Variants in ACYP2 observed in about 807,000 individuals in gnomAD.
The protein encoded by ACYP2 is acylphosphatase 2.
Under a neutral mutation model 11.2 loss-of-function variants are expected in ACYP2, and 12 were observed. That is an observed-to-expected ratio of 1.08 (90% confidence interval 0.69 to 1.74). ACYP2 has a LOEUF of 1.74. Among genes scored for constraint, ACYP2 ranks in the 40% most tolerant of loss-of-function variants. The pLI is 0.00. For synonymous variants in ACYP2, 43 were observed against 32.2 expected (o/e 1.33, Z -1.13); for missense variants, 134 against 101.9 (o/e 1.31, Z -1.35).
At chr2:54,199,228 G>C (rs1210548741) in intron 6 of ACYP2, among the ~76,000 whole-genome samples, 3 of 152,148 alleles carry the variant, frequency 2.0e-5, no homozygotes, top group African/African-American at 7.2e-5. Flanking sequence ...GGCTCACTAA[G>C]CTCCCATGCA....
chr2:54,261,834 A>G (rs1433232392), intron 6 of ACYP2, among the ~76,000 whole-genome samples: 1 of 152,210 alleles, frequency 6.6e-6, no homozygotes, highest in Non-Finnish European at 1.5e-5. Context: ...ACACTTTGCT[A>G]ATTTCTTCTG....
intron 6 of ACYP2, among the ~76,000 whole-genome samples, chr2:54,182,047 ATTTT>A (rs35145998): frequency 7.2e-5 from 6 of 83,068 alleles, no homozygotes; most frequent in Admixed American, 2.9e-4. Flanking sequence ...ATAGAAGATA[ATTTT>A]TTTTTTTTTT....
At chr2:54,256,727 C>T (rs1158050467) in intron 6 of ACYP2, among the ~76,000 whole-genome samples, 6 of 152,188 alleles carry the variant, frequency 3.9e-5, no homozygotes, top group Non-Finnish European at 2.9e-5. Flanking sequence ...CTGAAGCTGC[C>T]GCCTCCCAAG....
chr2:54,241,403 T>C (rs1199509926), intron 6 of ACYP2, among the ~76,000 whole-genome samples: 1 of 152,218 alleles, frequency 6.6e-6, no homozygotes, highest in East Asian at 1.9e-4. Context: ...TGTTGAAGTA[T>C]GCACTCAGGT....
intron 6 of ACYP2, among the ~76,000 whole-genome samples, chr2:54,185,399 A>C (rs1399682596): frequency 6.6e-6 from 1 of 152,184 alleles, no homozygotes; most frequent in Non-Finnish European, 1.5e-5. Flanking sequence ...GGAGATGAAA[A>C]TACATGTGTT....
intron 6 of ACYP2, among the ~76,000 whole-genome samples, chr2:54,219,112 A>G (rs1214977537): frequency 6.6e-6 from 1 of 152,204 alleles, no homozygotes; most frequent in Non-Finnish European, 1.5e-5. Flanking sequence ...AATCAAGACA[A>G]TTTTGTAATA....
At chr2:54,242,086 A>G (rs948845579) in intron 6 of ACYP2, among the ~76,000 whole-genome samples, 4 of 152,220 alleles carry the variant, frequency 2.6e-5, no homozygotes, top group African/African-American at 4.8e-5. Flanking sequence ...TACGCGTAGT[A>G]AAAGTGCAGA....
intron 6 of ACYP2, among the ~76,000 whole-genome samples, chr2:54,288,580 C>T (rs1425912980): frequency 1.3e-5 from 2 of 152,020 alleles, no homozygotes; most frequent in Non-Finnish European, 2.9e-5. Flanking sequence ...TACTTGCCTA[C>T]TATAAATGAT....
At chr2:54,047,372 A>C (rs1428112623) in intron 2 of ACYP2, among the ~76,000 whole-genome samples, 1 of 152,244 alleles carries the variant, frequency 6.6e-6, no homozygotes, top group East Asian at 1.9e-4. Flanking sequence ...ACATTATTTT[A>C]GAATGTAGAA....
chr2:54,141,493 G>C (rs1463869000), intron 6 of ACYP2, among the ~76,000 whole-genome samples: 1 of 151,836 alleles, frequency 6.6e-6, no homozygotes, highest in African/African-American at 2.4e-5. Flanking sequence ...AGTTGTCCTG[G>C]CGCCACTTAC....
intron 2 of ACYP2, among the ~76,000 whole-genome samples, chr2:53,992,428 G>C (rs1259357876): frequency 6.6e-6 from 1 of 152,214 alleles, no homozygotes; most frequent in Non-Finnish European, 1.5e-5. Flanking sequence ...GGATAAGAAT[G>C]AAAGTACTGT....
At chr2:54,271,331 G>T (rs770340866) in intron 6 of ACYP2, among the ~76,000 whole-genome samples, 5 of 152,208 alleles carry the variant, frequency 3.3e-5, no homozygotes, top group Non-Finnish European at 5.9e-5. Flanking sequence ...GAGGTCACAA[G>T]ATTTAAGACT....
intron 6 of ACYP2, chr2:54,256,124 G>A (rs1414494104): frequency 1.2e-6 from 2 of 1,613,824 alleles, no homozygotes; most frequent in Non-Finnish European, 1.7e-6. Flanking sequence ...AGAGTAGCGG[G>A]GCTGTGAGGA....
chr2:54,034,064 T>C (rs1409658833), intron 2 of ACYP2, among the ~76,000 whole-genome samples: 1 of 152,174 alleles, frequency 6.6e-6, no homozygotes, highest in Admixed American at 6.5e-5. Flanking sequence ...GAAGCAGGCT[T>C]TTTGGTTTTT....
intron 6 of ACYP2, among the ~76,000 whole-genome samples, chr2:54,176,489 T>C (rs1329619519): frequency 4.6e-5 from 7 of 152,148 alleles, no homozygotes; most frequent in Non-Finnish European, 1.5e-5. Flanking sequence ...GAATACACTA[T>C]TTAAGTCTGT....
intron 4 of ACYP2, among the ~76,000 whole-genome samples, chr2:54,097,554 A>T (rs552158818): frequency 6.6e-6 from 1 of 152,324 alleles, no homozygotes; most frequent in Admixed American, 6.5e-5. Context: ...TTGTTCTCAC[A>T]CTGTTATAAT....
chr2:54,135,346 G>A, intron 4 of ACYP2, 107 bp from the exon 2 acceptor site: 1 of 1,011,912 alleles, frequency 9.9e-7, no homozygotes, highest in East Asian at 2.5e-5. Context: ...TGCAGAAGGT[G>A]AAACCAAGGA....
At chr2:54,051,559 C>T in intron 3 of ACYP2, 1 of 742,466 alleles carries the variant, frequency 1.3e-6, no homozygotes. Context: ...ATCATCTTGG[C>T]CTGTCCATTG....
intron 6 of ACYP2, among the ~76,000 whole-genome samples, chr2:54,277,642 C>T (rs1269946071): frequency 6.6e-5 from 10 of 152,026 alleles, no homozygotes; most frequent in Non-Finnish European, 1.5e-4. Flanking sequence ...CGTGCTACTG[C>T]ACCCCAGCCT....
Sources: gnomAD v4.1 joint callset for allele counts (sites outside exome capture counted in the v4.1 genomes callset) on GRCh38, gnomAD v4.1.1 for gene constraint, MANE v1.5 for transcripts, NCBI Gene and HGNC (gene_info 2026-07-23, HGNC 2026-07-21) for gene names.